Variants in PCDH15 observed in about 807,000 individuals in gnomAD.
The protein encoded by PCDH15 is protocadherin related 15, also known as protocadherin-15.
A neutral mutation model predicts 178.5 loss-of-function variants in PCDH15; 129 were observed. The observed-to-expected ratio is 0.72, with a 90% CI of 0.63 to 0.84. The LOEUF (loss-of-function observed/expected upper bound fraction) is 0.84, where lower values mean the gene tolerates loss of function less well. PCDH15 is among the 40% of genes least tolerant of loss of function. The probability of loss-of-function intolerance (pLI) is 0.00; values close to 1 mark genes in which losing one functional copy is unlikely to be tolerated. For missense variants in PCDH15, 2,230 were observed against 2,099.9 expected, an observed-to-expected ratio of 1.06 and a Z score of -1.21; for synonymous variants, 800 against 732.0, an observed-to-expected ratio of 1.09 and a Z score of -1.50.
At chr10:54,386,894 G>C (rs1022095948) in intron 3 of PCDH15, among the ~76,000 whole-genome samples, 1 of 152,066 alleles carries the variant, frequency 6.6e-6, no homozygotes, top group African/African-American at 2.4e-5. Flanking sequence ...CAAAATTTCA[G>C]TTACACAAAA....
intron 11 of PCDH15, among the ~76,000 whole-genome samples, chr10:54,193,891 T>A (rs1489961836): frequency 6.6e-6 from 1 of 152,098 alleles, no homozygotes; most frequent in East Asian, 1.9e-4. Flanking sequence ...AGCTTTAATA[T>A]CCCTTTCTGA....
intron 1 of PCDH15, among the ~76,000 whole-genome samples, chr10:54,684,637 T>A (rs1371455260): frequency 6.6e-6 from 1 of 152,104 alleles, no homozygotes; most frequent in African/African-American, 2.4e-5. Flanking sequence ...AAAAATGTTT[T>A]AAATTTCATT....
chr10:53,975,838 C>T (rs2090139919), intron 21 of PCDH15, among the ~76,000 whole-genome samples: 1 of 152,060 alleles, frequency 6.6e-6, no homozygotes, highest in Non-Finnish European at 1.5e-5. Flanking sequence ...TCAAAACTTA[C>T]GTGCCAAGAG....
intron 13 of PCDH15, among the ~76,000 whole-genome samples, chr10:54,168,012 G>A (rs1448426795): frequency 3.3e-5 from 5 of 151,504 alleles, no homozygotes; most frequent in Non-Finnish European, 7.4e-5. Flanking sequence ...TTGACTATAG[G>A]CAACCTTCCA....
chr10:54,651,331 T>C (rs1023964784), intron 2 of PCDH15, among the ~76,000 whole-genome samples: 1 of 152,114 alleles, frequency 6.6e-6, no homozygotes, highest in African/African-American at 2.4e-5. Context: ...AAAGCAAGAA[T>C]ATATCACAAA....
intron 2 of PCDH15, among the ~76,000 whole-genome samples, chr10:55,584,518 G>A (rs1292169311): frequency 1.3e-5 from 2 of 151,618 alleles, no homozygotes; most frequent in African/African-American, 2.4e-5. Flanking sequence ...TTAGCTAGGC[G>A]TGGTGGTGGG....
intron 3 of PCDH15, among the ~76,000 whole-genome samples, chr10:54,853,123 G>A (rs1953656971): frequency 6.7e-6 from 1 of 150,082 alleles, no homozygotes; most frequent in Non-Finnish European, 1.5e-5. Flanking sequence ...AGCTGGGCAT[G>A]GTGGCGCATG....
At chr10:54,887,716 A>G (rs1954383468) in intron 3 of PCDH15, among the ~76,000 whole-genome samples, 1 of 152,014 alleles carries the variant, frequency 6.6e-6, no homozygotes, top group Admixed American at 6.6e-5. Context: ...ATGCAATGCT[A>G]TTAAAAACTG....
At chr10:55,157,981 T>C (rs1479046336) in intron 2 of PCDH15, among the ~76,000 whole-genome samples, 1 of 55,606 alleles carries the variant, frequency 1.8e-5, no homozygotes. Flanking sequence ...TTAACATAAA[T>C]ACATAAATAT....
chr10:54,267,998 C>G (rs920142516), intron 8 of PCDH15, among the ~76,000 whole-genome samples: 7 of 151,592 alleles, frequency 4.6e-5, no homozygotes, highest in African/African-American at 1.7e-4. Flanking sequence ...AGAACACAGA[C>G]AGGGGCAACA....
chr10:53,991,947 C>T (rs910472481), intron 21 of PCDH15, among the ~76,000 whole-genome samples: 8 of 152,088 alleles, frequency 5.3e-5, no homozygotes, highest in East Asian at 3.9e-4. Context: ...AGCCAGCAGC[C>T]GCAACCCGCT....
At chr10:55,006,186 C>G (rs1023621742) in intron 2 of PCDH15, among the ~76,000 whole-genome samples, 1 of 151,914 alleles carries the variant, frequency 6.6e-6, no homozygotes, top group African/African-American at 2.4e-5. Flanking sequence ...TATAATAGAT[C>G]ACTCAATTTA....
At chr10:54,922,840 T>C (rs573319047) in intron 2 of PCDH15, among the ~76,000 whole-genome samples, 28 of 152,206 alleles carry the variant, frequency 1.8e-4, no homozygotes, top group Admixed American at 1.5e-3. Flanking sequence ...TTCAGGTGCA[T>C]AGTGCAAACT....
chr10:55,270,554 T>C (rs748121225), intron 1 of PCDH15, among the ~76,000 whole-genome samples: 2 of 151,334 alleles, frequency 1.3e-5, no homozygotes, highest in Non-Finnish European at 2.9e-5. Context: ...CCACCATCAC[T>C]AATTATCAGA....
At chr10:55,514,055 A>AT (rs903371485) in intron 2 of PCDH15, among the ~76,000 whole-genome samples, 21 of 151,674 alleles carry the variant, frequency 1.4e-4, no homozygotes, top group Admixed American at 7.2e-4. Context: ...TATTAATAAG[A>AT]TTTTTTTTTA....
intron 2 of PCDH15, among the ~76,000 whole-genome samples, chr10:55,064,532 G>A (rs1841514657): frequency 6.6e-6 from 1 of 151,936 alleles, no homozygotes; most frequent in Non-Finnish European, 1.5e-5. Flanking sequence ...TGAAATCATT[G>A]TCATTTAATT....
intron 2 of PCDH15, among the ~76,000 whole-genome samples, chr10:54,998,845 T>C (rs931787687): frequency 6.6e-5 from 10 of 152,210 alleles, no homozygotes; most frequent in Non-Finnish European, 1.2e-4. Flanking sequence ...TGGTATTTTG[T>C]AGACTTAAAG....
At chr10:54,227,219 C>T (rs542724102) in intron 9 of PCDH15, among the ~76,000 whole-genome samples, 3 of 152,342 alleles carry the variant, frequency 2.0e-5, no homozygotes, top group Admixed American at 6.5e-5. Context: ...ATCCCTGCCC[C>T]TGAAGCAAAC....
At chr10:54,200,213 T>C (rs929425094) in intron 10 of PCDH15, among the ~76,000 whole-genome samples, 1 of 148,496 alleles carries the variant, frequency 6.7e-6, no homozygotes, top group Admixed American at 6.7e-5. Context: ...AATTCTAGGA[T>C]AGAAGAAAGA....
Sources: allele counts gnomAD v4.1 joint callset (sites outside exome capture counted in the v4.1 genomes callset), GRCh38; gene constraint gnomAD v4.1.1; transcripts MANE v1.5; gene names NCBI Gene and HGNC (gene_info 2026-07-23, HGNC 2026-07-21).